The following ANKRD31 variants were observed in gnomAD, a reference collection of about 807,000 sequenced individuals.
The protein encoded by ANKRD31 is ankyrin repeat domain 31.
Under a neutral mutation model 186.0 loss-of-function variants are expected in ANKRD31, and 147 were observed. The ratio of observed to expected loss-of-function variants is 0.79; its 90% confidence interval spans 0.69 to 0.91. ANKRD31 has a LOEUF of 0.91. Among genes scored for constraint, ANKRD31 ranks in the 40% least tolerant of loss-of-function variants. The pLI, the probability that ANKRD31 is intolerant of heterozygous loss-of-function variation, is 0.00. For missense variants in ANKRD31, 1,986 were observed against 2,148.8 expected (o/e 0.92, Z 1.50); for synonymous variants, 673 against 736.4 (o/e 0.91, Z 1.39).
At chr5:75,119,270 T>C (rs1186116659) in intron 17 of ANKRD31, among the ~76,000 whole-genome samples, 1 of 152,168 alleles carries the variant, frequency 6.6e-6, no homozygotes, top group African/African-American at 2.4e-5. Flanking sequence ...CCCTACCTCG[T>C]AGTCTCAGTA....
intron 3 of ANKRD31, among the ~76,000 whole-genome samples, chr5:75,215,767 T>G (rs1251244012): frequency 1.3e-5 from 2 of 152,074 alleles, no homozygotes; most frequent in African/African-American, 2.4e-5. Flanking sequence ...AGAAACCTGT[T>G]TCATAATTAT....
chr5:75,103,512 G>A (rs1253105524), intron 22 of ANKRD31, among the ~76,000 whole-genome samples: 2 of 152,058 alleles, frequency 1.3e-5, no homozygotes, highest in African/African-American at 4.8e-5. Flanking sequence ...TATACCCAAA[G>A]GAATATAAAT....
chr5:75,152,027 T>C (rs1751874568), intron 12 of ANKRD31, among the ~76,000 whole-genome samples: 1 of 151,672 alleles, frequency 6.6e-6, no homozygotes, highest in Non-Finnish European at 1.5e-5. Context: ...CCAGTGGAGG[T>C]GGGTTAGAGA....
chr5:75,199,941 C>G (rs1487261652), intron 5 of ANKRD31, among the ~76,000 whole-genome samples: 19 of 152,128 alleles, frequency 1.2e-4, no homozygotes, highest in Admixed American at 1.2e-3. Context: ...ACCAAGAACT[C>G]TATTTTGGCT....
intron 11 of ANKRD31, among the ~76,000 whole-genome samples, chr5:75,162,150 G>T (rs1752610742): frequency 6.6e-6 from 1 of 152,186 alleles, no homozygotes; most frequent in South Asian, 2.1e-4. Flanking sequence ...GCCTAGAAAA[G>T]CCAGAGATAC....
intron 20 of ANKRD31, among the ~76,000 whole-genome samples, chr5:75,112,226 CACT>C (rs1257522242): frequency 6.6e-6 from 1 of 152,044 alleles, no homozygotes; most frequent in African/African-American, 2.4e-5. Flanking sequence ...GAGTAGCTGG[CACT>C]ACAAGCGCCC....
intron 25 of ANKRD31, among the ~76,000 whole-genome samples, chr5:75,076,844 C>A (rs1744689245): frequency 6.6e-6 from 1 of 152,112 alleles, no homozygotes; most frequent in African/African-American, 2.4e-5. Flanking sequence ...GAATTAGCGA[C>A]AAAGACCACA....
chr5:75,165,505 G>C (rs1241620315), intron 11 of ANKRD31, among the ~76,000 whole-genome samples: 1 of 152,134 alleles, frequency 6.6e-6, no homozygotes, highest in Non-Finnish European at 1.5e-5. Context: ...TCTATGCTAT[G>C]AAGTCTGAAA....
chr5:75,119,070 T>A (rs186592652), intron 17 of ANKRD31, among the ~76,000 whole-genome samples: 1 of 152,308 alleles, frequency 6.6e-6, no homozygotes, highest in East Asian at 1.9e-4. Flanking sequence ...CATACAGAAA[T>A]ATGTGTTCTA....
At chr5:75,077,458 A>T (rs1744737769) in intron 25 of ANKRD31, among the ~76,000 whole-genome samples, 1 of 152,158 alleles carries the variant, frequency 6.6e-6, no homozygotes, top group South Asian at 2.1e-4. Context: ...CCTGAAGTAT[A>T]ATTATTTAGA....
intron 4 of ANKRD31, among the ~76,000 whole-genome samples, chr5:75,210,554 T>A (rs567152837): frequency 1.3e-5 from 2 of 152,346 alleles, no homozygotes; most frequent in African/African-American, 4.8e-5. Context: ...ATGCTTTTAT[T>A]TATTTGCAGC....
chr5:75,136,005 CA>C (rs1750544033), intron 17 of ANKRD31, among the ~76,000 whole-genome samples: 1 of 152,094 alleles, frequency 6.6e-6, no homozygotes. Context: ...ACACCTTATA[CA>C]AAAATTAATT....
intron 11 of ANKRD31, among the ~76,000 whole-genome samples, chr5:75,156,584 A>G (rs961404078): frequency 1.3e-5 from 2 of 152,188 alleles, no homozygotes; most frequent in Non-Finnish European, 1.5e-5. Flanking sequence ...AATATGATTA[A>G]GTTAAGGATT....
chr5:75,225,588 G>T, intron 2 of ANKRD31: 1 of 247,848 alleles, frequency 4.0e-6, no homozygotes, highest in South Asian at 5.3e-5. Context: ...ATTCCAATTT[G>T]ACAGGCAACC....
intron 23 of ANKRD31, among the ~76,000 whole-genome samples, chr5:75,086,337 C>G (rs1385717276): frequency 4.6e-5 from 7 of 152,070 alleles, no homozygotes; most frequent in Admixed American, 3.9e-4. Context: ...GAATAGACCT[C>G]AGAATGAACA....
At position 75,068,344 on chromosome 5, in the gene ANKRD31, A is replaced by C; in HGVS notation, c.*175T>G. ...TTTATTTCAATGGCAAAAAAGCATTAATCTTATATAATTGTTGAACAGTTA... is the reference window on the plus strand; with the variant it reads ...TTTATTTCAATGGCAAAAAAGCATTCATCTTATATAATTGTTGAACAGTTA... On this transcript the variant is annotated 3_prime_UTR_variant, in exon 26 of 26. Transcript: ENST00000506364. The C allele has an allele frequency of 1.9e-6, 1 of 535,488 alleles. No homozygotes were observed. The highest frequency in any genetic ancestry group is 3.5e-5 in the East Asian group (1 of 28,552). The allele number at this position is 535,488 out of a possible 1,614,324, so 33.2% of individuals were successfully genotyped here.
chr5:75,168,823 C>T (rs1753111917), intron 11 of ANKRD31, among the ~76,000 whole-genome samples, 156 bp downstream of exon 11: 1 of 152,100 alleles, frequency 6.6e-6, no homozygotes, highest in South Asian at 2.1e-4. Flanking sequence ...CACAACAAAC[C>T]CATCACACAG....
At chr5:75,193,843 C>T (rs748935935) in intron 7 of ANKRD31, among the ~76,000 whole-genome samples, 2 of 151,970 alleles carry the variant, frequency 1.3e-5, no homozygotes, top group Non-Finnish European at 2.9e-5. Flanking sequence ...CTTGAAAATT[C>T]AAAGGCAAAT....
At position 75,189,843 on chromosome 5, in the gene ANKRD31, T is replaced by C. The variant is rs139181793; in HGVS notation, c.1409-1195A>G. Among the ~76,000 whole-genome samples, 40 of 152,304 alleles carry C rather than the reference T, an allele frequency of 2.6e-4. No individual in the cohort carries two copies. The East Asian group carries it at 7.0e-3, about 26-fold the overall frequency. On this transcript the variant is annotated intron_variant, in intron 9 of 25. Coordinates refer to ENST00000506364, the MANE Select transcript of ANKRD31 (RefSeq NM_001372053.1). ...TTGTCAAATGCTTTCTATGCATTTA[T>C]TGAGATGATCATATGGTTCCTCTTT...
Sources: gnomAD v4.1 joint callset for allele counts (sites outside exome capture counted in the v4.1 genomes callset) on GRCh38, gnomAD v4.1.1 for gene constraint, MANE v1.5 for transcripts, NCBI Gene and HGNC (gene_info 2026-07-23, HGNC 2026-07-21) for gene names.